The following PLSCR5 variants were observed in gnomAD, a reference collection of about 807,000 sequenced individuals.
PLSCR5 encodes phospholipid scramblase family, member 5.
In PLSCR5, 44 loss-of-function variants were observed where a neutral mutation model predicts 33.6. The ratio of observed to expected loss-of-function variants is 1.31; its 90% CI spans 1.03 to 1.69. PLSCR5 has a LOEUF of 1.69. Among genes scored for constraint, PLSCR5 ranks in the 40% most tolerant of loss-of-function variants. The pLI is 0.00. For synonymous variants in PLSCR5, 148 were observed against 112.3 expected, an observed-to-expected ratio of 1.32 and a Z score of -2.01; for missense variants, 375 against 318.7, an observed-to-expected ratio of 1.18 and a Z score of -1.34.
At chr3:146,577,849 G>A (rs1169228472) in intron 7 of PLSCR5, among the ~76,000 whole-genome samples, 1 of 152,112 alleles carries the variant, frequency 6.6e-6, no homozygotes, top group Non-Finnish European at 1.5e-5. Context: ...GCTAAGCAAT[G>A]CCATCATAAT....
chr3:146,591,438 A>G (rs769643592), intron 5 of PLSCR5, among the ~76,000 whole-genome samples: 1 of 152,044 alleles, frequency 6.6e-6, no homozygotes, highest in Non-Finnish European at 1.5e-5. Flanking sequence ...AAAATTTATT[A>G]ATATTACTTT....
At chr3:146,589,902 G>T in intron 5 of PLSCR5, 88 bp from the exon 6 acceptor site, 3 of 794,010 alleles carry the variant, frequency 3.8e-6, no homozygotes, top group Non-Finnish European at 5.5e-6. Flanking sequence ...TGAGAGATTT[G>T]AATTATTTTA....
Position 146,593,368 on chromosome 3 carries a change from C to G in PLSCR5, c.453+552G>C, listed in dbSNP as rs527996950. 4.6e-5 allele frequency among the ~76,000 whole-genome samples: 7 copies of G among 152,218 alleles called. No individual in the cohort carries two copies. The South Asian group carries it at 1.2e-3, about 27-fold the overall frequency. On this transcript the variant is annotated intron_variant, in intron 4 of 7. Coordinates refer to ENST00000443512, the MANE Select transcript of PLSCR5 (RefSeq NM_001085420.2). ...CATAAGTCAATGAAAGTTATTATTA[C>G]AGGTGTACTAAATAATAACGTAAAT...
intron 4 of PLSCR5, among the ~76,000 whole-genome samples, chr3:146,592,437 CTAG>C (rs1412586115): frequency 1.3e-5 from 2 of 152,044 alleles, no homozygotes; most frequent in Non-Finnish European, 2.9e-5. Flanking sequence ...GTGTTCGAGA[CTAG>C]TAGTTGGATT....
intron 7 of PLSCR5, among the ~76,000 whole-genome samples, chr3:146,578,895 C>T (rs993276706): frequency 6.6e-6 from 1 of 151,914 alleles, no homozygotes; most frequent in Non-Finnish European, 1.5e-5. Context: ...GATAATAATA[C>T]TTGGCAGACA....
intron 6 of PLSCR5, among the ~76,000 whole-genome samples, chr3:146,588,278 G>A (rs140169578): frequency 0.056 from 8,482 of 152,118 alleles, 234 homozygotes; most frequent in African/African-American, 0.061. Flanking sequence ...AGACCATCCT[G>A]GCTAACACAG....
downstream of PLSCR5, among the ~76,000 whole-genome samples, chr3:146,583,340 G>C (rs1047242576): frequency 6.6e-6 from 1 of 152,208 alleles, no homozygotes; most frequent in African/African-American, 2.4e-5. Context: ...GAATGAATGA[G>C]AGTTGTGTGA....
intron 4 of PLSCR5, among the ~76,000 whole-genome samples, chr3:146,593,304 G>A (rs1261628231): frequency 6.6e-6 from 1 of 152,094 alleles, no homozygotes. Context: ...TGGTATCAAA[G>A]CCAGTAAAGT....
chr3:146,595,866 A>G (rs1307278459), intron 2 of PLSCR5, among the ~76,000 whole-genome samples: 1 of 152,150 alleles, frequency 6.6e-6, no homozygotes, highest in East Asian at 1.9e-4. Context: ...ACTGCAACTC[A>G]TATCTTTCAG....
intron 1 of PLSCR5, among the ~76,000 whole-genome samples, chr3:146,602,943 T>A (rs1220705429): frequency 2.0e-5 from 3 of 152,092 alleles, no homozygotes; most frequent in African/African-American, 7.2e-5. Flanking sequence ...TTGAGAGACA[T>A]CACTATTCTG....
chr3:146,585,975 C>CAAATATAG, intron 7 of PLSCR5, 33 bp from the exon 8 acceptor site: 1 of 1,249,398 alleles, frequency 8.0e-7, no homozygotes, highest in Non-Finnish European at 1.1e-6. Context: ...TAGATAGCGT[C>CAAATATAG]AAATATAGAC....
At chr3:146,580,839 C>G (rs966960488), downstream of PLSCR5, among the ~76,000 whole-genome samples, 4 of 152,152 alleles carry the variant, frequency 2.6e-5, no homozygotes, top group African/African-American at 9.7e-5. Context: ...TTCTGGTCTA[C>G]GCTAAAATGT....
chr3:146,599,335 G>A (rs764837686), intron 2 of PLSCR5, among the ~76,000 whole-genome samples: 1 of 152,036 alleles, frequency 6.6e-6, no homozygotes, highest in Non-Finnish European at 1.5e-5. Flanking sequence ...CTTTATAACC[G>A]CTTTGTCTTG....
At chr3:146,584,520 A>G (rs73003949), downstream of PLSCR5, among the ~76,000 whole-genome samples, 16,294 of 152,246 alleles carry the variant, frequency 0.11, 1,033 homozygotes, top group African/African-American at 0.17. Context: ...GTGATTTTAA[A>G]ATATAGTTAT....
chr3:146,592,287 C>T (rs1329058102), intron 4 of PLSCR5, among the ~76,000 whole-genome samples: 1 of 149,664 alleles, frequency 6.7e-6, no homozygotes, highest in Admixed American at 6.6e-5. Flanking sequence ...TTTAAGTCTC[C>T]TTTATCAATT....
downstream of PLSCR5, among the ~76,000 whole-genome samples, chr3:146,582,751 T>A (rs1281822129): frequency 6.6e-6 from 1 of 152,202 alleles, no homozygotes; most frequent in Non-Finnish European, 1.5e-5. Context: ...GGGCCTGAAC[T>A]CTGCTAAGAT....
chr3:146,597,640 CA>C (rs2044772874), intron 2 of PLSCR5, among the ~76,000 whole-genome samples: 1 of 152,156 alleles, frequency 6.6e-6, no homozygotes. Context: ...TAGCCACTTA[CA>C]AACTATGGCC....
Position 146,594,093 on chromosome 3 carries a change from A to G in PLSCR5, c.280T>C (p.Leu94=), listed in dbSNP as rs1186218714. 1.2e-6 allele frequency: 2 copies of G among 1,613,806 alleles called. No homozygotes were observed. Among genetic ancestry groups the G allele is most frequent in the Non-Finnish European group, 1.7e-6 (2 of 1,179,776 alleles). ...ACTGCAAAGTAAATTCTTTGTCCCAAGCTGTTTTTAATCTCATATTTGTTG... is the reference window on the plus strand; with the variant it reads ...ACTGCAAAGTAAATTCTTTGTCCCAGGCTGTTTTTAATCTCATATTTGTTG... The part of the protein sequence containing the change: ...TSNKYEIKNS[L]GQRIYFAVEE... The change falls in exon 4 of 8, where the codon TTG becomes CTG. Residue 94 remains leucine, a synonymous_variant. Transcript: ENST00000443512.
rs1317326166 is a variant in PLSCR5 at position 146,593,951 on chromosome 3, T to G, written c.422A>C (p.Asn141Thr). The change falls in exon 4 of 8, where the codon AAC becomes ACC. Residue 141 changes from asparagine (N) to threonine (T), a missense_variant. By Grantham distance (65) the Asn-to-Thr change is moderately conservative. Coordinates refer to ENST00000443512, the MANE Select transcript of PLSCR5 (RefSeq NM_001085420.2). ...VITVNRPLRCNSCWCPCYLQE... is the reference protein window; with the variant it reads ...VITVNRPLRCTSCWCPCYLQE... The stretch of plus-strand genomic sequence containing the variant: ...TAGGTAGCAAGGGCACCAGCAGCTG[T>G]TACATCTCAAGGGCCTGTTCACTGT... 1.2e-6 allele frequency: 2 copies of G among 1,613,750 alleles called. No individual in the cohort carries two copies. The highest frequency in any genetic ancestry group is 1.1e-5 in the South Asian group (1 of 91,064).
Sources: gnomAD v4.1 joint callset for allele counts (sites outside exome capture counted in the v4.1 genomes callset) on GRCh38, gnomAD v4.1.1 for gene constraint, MANE v1.5 for transcripts, NCBI Gene and HGNC (gene_info 2026-07-23, HGNC 2026-07-21) for gene names.